The following GABRR2 variants were observed in gnomAD, a reference collection of about 807,000 sequenced individuals.
GABRR2 encodes gamma-aminobutyric acid type A receptor subunit rho2.
A neutral mutation model predicts 47.0 loss-of-function variants in GABRR2; 36 were observed. That is an observed-to-expected ratio of 0.77 (90% CI 0.59 to 1.01). The LOEUF (loss-of-function observed/expected upper bound fraction) is 1.01. Among genes scored for constraint, GABRR2 ranks in the 50% least tolerant of loss-of-function variants. The pLI is 0.00. For missense variants in GABRR2, 587 were observed against 594.6 expected (o/e 0.99, Z 0.13); for synonymous variants, 204 against 227.5 (o/e 0.90, Z 0.93).
In GABRR2 at chr6:89,303,078, T is replaced by TGAG. The variant is rs1767485115; in HGVS notation, c.114-3216_114-3214dup. 3.7e-6 allele frequency: 3 copies of TGAG among 806,642 alleles called. No individual in the cohort carries two copies. The South Asian group carries it at 4.1e-5, about 11-fold the overall frequency. The allele number at this position is 806,642 out of a possible 1,614,324, so 50.0% of individuals were successfully genotyped here. On this transcript the variant is annotated intron_variant, in intron 1 of 8. Transcript: ENST00000402938. ...AGGAGGAGGGTGAGATGTTCGCAGATGAGGAGGAGGAATTGGAGGCCCAGG... is the reference window on the plus strand; with the variant it reads ...AGGAGGAGGGTGAGATGTTCGCAGATGAGGAGGAGGAGGAATTGGAGGCCCAGG...
chr6:89,279,093 C>T (rs890245041), intron 2 of GABRR2, among the ~76,000 whole-genome samples: 4 of 152,216 alleles, frequency 2.6e-5, no homozygotes, highest in Admixed American at 2.0e-4. Flanking sequence ...ATGCCCTGTG[C>T]ATGGGCTGCA....
chr6:89,288,496 T>C (rs1198472056), intron 2 of GABRR2, among the ~76,000 whole-genome samples: 2 of 152,144 alleles, frequency 1.3e-5, no homozygotes, highest in African/African-American at 2.4e-5. Flanking sequence ...ACCATCTGAC[T>C]ACAACTGCAT....
chr6:89,312,656 T>C (rs1767699519), intron 1 of GABRR2, among the ~76,000 whole-genome samples: 1 of 152,236 alleles, frequency 6.6e-6, no homozygotes, highest in South Asian at 2.1e-4. Flanking sequence ...CACCTGCGTG[T>C]CAATAATGAA....
chr6:89,287,488 C>A (rs1190411418), intron 2 of GABRR2, among the ~76,000 whole-genome samples: 2 of 152,226 alleles, frequency 1.3e-5, no homozygotes, highest in African/African-American at 4.8e-5. Context: ...AGGAACAGGG[C>A]CCGTGTCTTT....
At chr6:89,311,491 AC>A in intron 1 of GABRR2, among the ~76,000 whole-genome samples, 1 of 152,134 alleles carries the variant, frequency 6.6e-6, no homozygotes, top group Non-Finnish European at 1.5e-5. Flanking sequence ...GAGATGGCCC[AC>A]ACAGTCTCGG....
intron 2 of GABRR2, among the ~76,000 whole-genome samples, chr6:89,296,532 A>G (rs1339221464): frequency 2.6e-5 from 4 of 152,214 alleles, no homozygotes; most frequent in Non-Finnish European, 5.9e-5. Flanking sequence ...GGTGGCTGAG[A>G]TCTTGACTTC....
At chr6:89,281,158 T>A (rs1450514410) in intron 2 of GABRR2, among the ~76,000 whole-genome samples, 1 of 152,252 alleles carries the variant, frequency 6.6e-6, no homozygotes, top group African/African-American at 2.4e-5. Context: ...CCTGACTGTG[T>A]CCACCAGACC....
At position 89,257,397 on chromosome 6, in the gene GABRR2, T is replaced by G; in HGVS notation, c.*273A>C. ...TGAATCCTTGTTTATAGGAGGGGAG[T>G]TCTTGTGAATTAGTTCACACACAAG... On this transcript the variant is annotated 3_prime_UTR_variant, in exon 9 of 9. Transcript: ENST00000402938. 4 of 402,316 alleles carry G rather than the reference T, an allele frequency of 9.9e-6. No individual in the cohort carries two copies. Among genetic ancestry groups the G allele is most frequent in the Non-Finnish European group, 8.9e-6 (2 of 225,260 alleles). The allele number at this position is 402,316 out of a possible 1,614,324, so 24.9% of individuals were successfully genotyped here.
chr6:89,302,107 T>G, intron 1 of GABRR2: 1 of 622,500 alleles, frequency 1.6e-6, no homozygotes, highest in South Asian at 1.6e-5. Flanking sequence ...ACACGGAGGG[T>G]GCGGAGCTGG....
chr6:89,264,287 C>T (rs78673668), intron 8 of GABRR2, 125 bp downstream of exon 8: 1 of 1,140,778 alleles, frequency 8.8e-7, no homozygotes, highest in Admixed American at 2.8e-5. Context: ...AAACAAGATC[C>T]TCCTCGTTTT....
At chr6:89,302,240 A>C (rs1767460837) in intron 1 of GABRR2, 7 of 570,468 alleles carry the variant, frequency 1.2e-5, no homozygotes, top group South Asian at 9.9e-5. Context: ...CATCAGCAAG[A>C]TGCATGAGGA....
intron 1 of GABRR2, among the ~76,000 whole-genome samples, chr6:89,308,997 T>A (rs1395408827): frequency 2.0e-5 from 3 of 152,116 alleles, no homozygotes; most frequent in African/African-American, 7.2e-5. Context: ...TAGAGAGCTA[T>A]GGGTTGGAAT....
chr6:89,308,849 G>A (rs990631256), intron 1 of GABRR2, among the ~76,000 whole-genome samples: 1 of 152,198 alleles, frequency 6.6e-6, no homozygotes, highest in African/African-American at 2.4e-5. Context: ...TTTCTATAGA[G>A]CCCCTACTCT....
chr6:89,290,291 T>G (rs1774414419), intron 2 of GABRR2, among the ~76,000 whole-genome samples: 1 of 152,246 alleles, frequency 6.6e-6, no homozygotes, highest in African/African-American at 2.4e-5. Context: ...CTTTCTTCTT[T>G]TCCTGCCACA....
intron 1 of GABRR2, among the ~76,000 whole-genome samples, chr6:89,310,159 C>T (rs977230577): frequency 2.0e-5 from 3 of 151,976 alleles, no homozygotes; most frequent in African/African-American, 7.3e-5. Flanking sequence ...CCCTAAAAAT[C>T]CTCACTGTTC....
intron 2 of GABRR2, among the ~76,000 whole-genome samples, chr6:89,290,688 G>C (rs545951450): frequency 1.3e-5 from 2 of 152,332 alleles, no homozygotes; most frequent in East Asian, 1.9e-4. Flanking sequence ...CCTCCTGCTT[G>C]GTTCTGCCAA....
At position 89,292,742 on chromosome 6, in the gene GABRR2, AATCGTATATATCGTATATACGATAT is replaced by A. The variant is rs1562379406; in HGVS notation, c.220+6992_220+7016del. Among the ~76,000 whole-genome samples, 561 of 97,978 alleles carry A rather than the reference AATCGTATATATCGTATATACGATAT, an allele frequency of 5.7e-3. 7 individuals are homozygous for A. The highest frequency in any genetic ancestry group is 9.3e-3 in the Non-Finnish European group (394 of 42,360). The allele number at this position is 97,978 out of a possible 152,430, so 64.3% of individuals were successfully genotyped here. On this transcript the variant is annotated intron_variant, in intron 2 of 8. Transcript: ENST00000402938. ...GATATATATCGTATATATCATATAT[AATCGTATATATCGTATATACGATAT>A]ATCGTATATATCGTATATACGATAT...
intron 1 of GABRR2, chr6:89,302,483 C>A: frequency 1.5e-6 from 1 of 663,124 alleles, no homozygotes. Context: ...AGCAGGATCA[C>A]TACCTCCTTG....
intron 2 of GABRR2, among the ~76,000 whole-genome samples, chr6:89,280,801 A>T (rs991154668): frequency 1.3e-5 from 2 of 152,236 alleles, no homozygotes; most frequent in Non-Finnish European, 2.9e-5. Flanking sequence ...GGAGATTTTT[A>T]AAAAACTATT....
Sources: allele counts gnomAD v4.1 joint callset (sites outside exome capture counted in the v4.1 genomes callset), GRCh38; gene constraint gnomAD v4.1.1; transcripts MANE v1.5; gene names NCBI Gene and HGNC (gene_info 2026-07-23, HGNC 2026-07-21).